Variants in SIK2 observed in about 807,000 individuals in gnomAD.
The protein encoded by SIK2 is serine/threonine-protein kinase SIK2.
Under a neutral mutation model 103.2 loss-of-function variants are expected in SIK2, and 29 were observed. That is an observed-to-expected ratio of 0.28 (90% CI 0.21 to 0.38). The LOEUF is 0.38. Ranked by LOEUF, SIK2 falls within the 10% of genes least tolerant of loss-of-function variation. SIK2 has a pLI of 1.00. For synonymous variants in SIK2, 412 were observed against 446.1 expected (o/e 0.92, Z 0.96); for missense variants, 879 against 1,171.0 (o/e 0.75, Z 3.64).
In SIK2 at chr11:111,720,989, T is replaced by C. The variant is rs941200523; in HGVS notation, c.1871T>C (p.Ile624Thr). ...AAAGTGCAGTTGTTGTATGAACAAA[T>C]AGGACCGGAGGCAGACCCTAACCTG... is the stretch of plus-strand genomic sequence containing the variant. ...LNKVQLLYEQ[I>T]GPEADPNLAP... The change falls in exon 12 of 15, where the codon ATA (isoleucine) becomes ACA (threonine). Residue 624 changes from isoleucine (I) to threonine (T), a missense_variant. Ile to Thr is a moderately conservative substitution (Grantham distance 89). This residue lies in a region of SIK2 where 375 missense variants were observed against 416.3 expected (regional missense o/e 0.90). Coordinates refer to ENST00000304987, the MANE Select transcript of SIK2 (RefSeq NM_015191.3). 20 of 1,614,060 alleles carry C rather than the reference T, an allele frequency of 1.2e-5. No homozygotes were observed. Among genetic ancestry groups the C allele is most frequent in the East Asian group, 2.2e-5 (1 of 44,892 alleles).
chr11:111,672,206 A>G (rs1440955644), intron 3 of SIK2: 3 of 397,954 alleles, frequency 7.5e-6, no homozygotes, highest in Non-Finnish European at 1.4e-5. Context: ...ATGCCCCCCC[A>G]TACCACTGGC....
At chr11:111,662,511 G>A (rs903243311) in intron 3 of SIK2, among the ~76,000 whole-genome samples, 2 of 152,202 alleles carry the variant, frequency 1.3e-5, no homozygotes, top group South Asian at 4.1e-4. Flanking sequence ...CACGTTGGAA[G>A]GCTGAGGTGG....
intron 3 of SIK2, among the ~76,000 whole-genome samples, chr11:111,624,602 T>A (rs1941937322): frequency 6.6e-6 from 1 of 152,242 alleles, no homozygotes; most frequent in Non-Finnish European, 1.5e-5. Context: ...AACCAATTAC[T>A]TGTCACACAC....
intron 3 of SIK2, among the ~76,000 whole-genome samples, chr11:111,660,521 A>G (rs1448069808): frequency 6.6e-6 from 1 of 152,224 alleles, no homozygotes; most frequent in Non-Finnish European, 1.5e-5. Context: ...GGACTCCCCA[A>G]AAGGGCATGG....
chr11:111,602,511 A>T lies in SIK2; in HGVS notation c.-53A>T. On this transcript the variant is annotated 5_prime_UTR_variant, in exon 1 of 15. Transcript: ENST00000304987. This position sits in a 1 kb window ranked among gnomAD's most constrained non-coding sequence, Gnocchi z 4.5. ...TCGCCCAAGCCAAGCCGCGCTGCCA[A>T]CCCTCCCGCCCGCCCGCGCTCCTGT... is the stretch of plus-strand genomic sequence containing the variant. 4.9e-6 allele frequency: 7 copies of T among 1,417,298 alleles called. No individual in the cohort carries two copies. Among genetic ancestry groups the T allele is most frequent in the Non-Finnish European group, 6.4e-6 (7 of 1,087,160 alleles). The allele number at this position is 1,417,298 out of a possible 1,614,324, so 87.8% of individuals were successfully genotyped here.
chr11:111,661,098 TAAA>T, intron 3 of SIK2, among the ~76,000 whole-genome samples: 1 of 152,218 alleles, frequency 6.6e-6, no homozygotes, highest in African/African-American at 2.4e-5. Context: ...GAGATGAATC[TAAA>T]AATACTGAGT....
Position 111,620,397 on chromosome 11 carries a change from T to C in SIK2, c.311T>C (p.Ile104Thr). ...ACAGAATATGCCAAAAATGGAGAAA[T>C]TTTTGGTAAGCTTTTTCCTTTAAAT... ...LVTEYAKNGE[I>T]FDYLANHGRL... The change falls in exon 3 of 15, where the codon ATT (isoleucine) becomes ACT (threonine). Residue 104 changes from isoleucine (I) to threonine (T), a missense_variant. Ile to Thr is a moderately conservative substitution (Grantham distance 89). Around this residue, in one of 7 missense-constraint regions of SIK2, gnomAD observed 126 missense variants for 245.5 expected, o/e 0.51. Transcript: ENST00000304987. 2 of 1,588,562 alleles carry C rather than the reference T, an allele frequency of 1.3e-6. No homozygotes were observed. Among genetic ancestry groups the C allele is most frequent in the Non-Finnish European group, 1.7e-6 (2 of 1,168,602 alleles).
chr11:111,654,861 G>T (rs911135972), intron 3 of SIK2, among the ~76,000 whole-genome samples: 2 of 152,150 alleles, frequency 1.3e-5, no homozygotes. Flanking sequence ...TGGAGAATGT[G>T]ACTATGTTTT....
At chr11:111,603,562 C>T (rs1163585391) in intron 1 of SIK2, among the ~76,000 whole-genome samples, 2 of 152,074 alleles carry the variant, frequency 1.3e-5, no homozygotes, top group East Asian at 1.9e-4. Context: ...TCTAATGCAC[C>T]GCACATACTC....
chr11:111,706,517 C>T (rs1040982141), intron 8 of SIK2, among the ~76,000 whole-genome samples: 2 of 152,094 alleles, frequency 1.3e-5, no homozygotes, highest in Non-Finnish European at 2.9e-5. Context: ...AGAGTTTTGA[C>T]TTTGTATTTC....
At chr11:111,614,074 ACT>A (rs1250222470) in intron 1 of SIK2, among the ~76,000 whole-genome samples, 1 of 134,770 alleles carries the variant, frequency 7.4e-6, no homozygotes, top group East Asian at 2.5e-4. Flanking sequence ...TAACTTTTTG[ACT>A]CTCCCCCCAT....
intron 8 of SIK2, among the ~76,000 whole-genome samples, chr11:111,706,223 T>C (rs1299559847): frequency 6.6e-6 from 1 of 152,218 alleles, no homozygotes; most frequent in Non-Finnish European, 1.5e-5. Flanking sequence ...ACATAGTAAG[T>C]GCTATGTAAG....
At chr11:111,720,404 G>C in intron 10 of SIK2, 74 bp from the exon 11 acceptor site, 1 of 1,426,812 alleles carries the variant, frequency 7.0e-7, no homozygotes, top group Non-Finnish European at 9.5e-7. Flanking sequence ...AACTCAAGCT[G>C]GTTATGCTTT....
At chr11:111,610,479 C>G (rs546656816) in intron 1 of SIK2, among the ~76,000 whole-genome samples, 66 of 146,232 alleles carry the variant, frequency 4.5e-4, no homozygotes, top group African/African-American at 1.7e-3. Context: ...CAGAGCAAGA[C>G]TCTGTCTAAA....
At chr11:111,659,338 G>A (rs1484655506) in intron 3 of SIK2, among the ~76,000 whole-genome samples, 1 of 152,082 alleles carries the variant, frequency 6.6e-6, no homozygotes, top group African/African-American at 2.4e-5. Context: ...TTCTAGACAT[G>A]GCTTGTTAAG....
intron 1 of SIK2, among the ~76,000 whole-genome samples, chr11:111,613,488 A>C (rs1379914088): frequency 6.6e-6 from 1 of 152,210 alleles, no homozygotes; most frequent in Non-Finnish European, 1.5e-5. Context: ...GAGGATATTC[A>C]ATTATACACT....
intron 3 of SIK2, among the ~76,000 whole-genome samples, chr11:111,658,666 C>T (rs1003807550): frequency 9.2e-5 from 14 of 151,722 alleles, no homozygotes; most frequent in African/African-American, 1.9e-4. Context: ...CACCTGAGCC[C>T]GGTGATCAAG....
At chr11:111,653,261 G>A (rs1389293838) in intron 3 of SIK2, among the ~76,000 whole-genome samples, 2 of 152,172 alleles carry the variant, frequency 1.3e-5, no homozygotes, top group East Asian at 3.9e-4. Context: ...CAGTTTAGTT[G>A]GAGATTCTTT....
intron 1 of SIK2, among the ~76,000 whole-genome samples, chr11:111,611,823 C>G (rs902294676): frequency 6.6e-6 from 1 of 152,120 alleles, no homozygotes; most frequent in Non-Finnish European, 1.5e-5. Context: ...CAGATTTTGT[C>G]TCTTATACTA....
Sources: allele counts gnomAD v4.1 joint callset (sites outside exome capture counted in the v4.1 genomes callset), GRCh38; gene constraint gnomAD v4.1.1; regional missense constraint gnomAD v4.1.1; non-coding constraint Gnocchi (gnomAD v3.1); transcripts MANE v1.5; gene names NCBI Gene and HGNC (gene_info 2026-07-23, HGNC 2026-07-21).